The following CHST10 variants were observed in gnomAD, a reference collection of about 807,000 sequenced individuals.
CHST10 encodes the protein carbohydrate sulfotransferase 10, also known as HNK-1 sulfotransferase.
A neutral mutation model predicts 34.7 loss-of-function variants in CHST10; 24 were observed. The observed-to-expected ratio is 0.69, with a 90% CI of 0.50 to 0.97. CHST10 has a LOEUF of 0.97. CHST10 is among the 50% of genes least tolerant of loss of function. CHST10 has a pLI of 0.00. For synonymous variants in CHST10, 161 were observed against 169.3 expected (o/e 0.95, Z 0.38); for missense variants, 402 against 452.1 (o/e 0.89, Z 1.00).
chr2:100,399,141 T>C (rs1675217128), intron 4 of CHST10, among the ~76,000 whole-genome samples: 1 of 150,936 alleles, frequency 6.6e-6, no homozygotes, highest in Admixed American at 6.6e-5. Flanking sequence ...TCTCGTTCTG[T>C]GGCCCAGGCT....
chr2:100,414,641 T>C (rs1463327153), intron 2 of CHST10, among the ~76,000 whole-genome samples: 1 of 152,222 alleles, frequency 6.6e-6, no homozygotes, highest in Non-Finnish European at 1.5e-5. Flanking sequence ...TCTCTCAATC[T>C]GCGTACAGAA....
chr2:100,394,492 A>G (rs1352669705), intron 6 of CHST10, among the ~76,000 whole-genome samples: 1 of 152,236 alleles, frequency 6.6e-6, no homozygotes, highest in African/African-American at 2.4e-5. Flanking sequence ...GGGCAACAGC[A>G]GGACACTCCT....
At chr2:100,412,474 G>A (rs1381204573) in intron 2 of CHST10, among the ~76,000 whole-genome samples, 1 of 152,094 alleles carries the variant, frequency 6.6e-6, no homozygotes, top group Middle Eastern at 3.2e-3. Flanking sequence ...GTGATACCCC[G>A]GGCCCCAAGA....
At chr2:100,414,381 C>CACAA (rs1553404122) in intron 2 of CHST10, among the ~76,000 whole-genome samples, 154 of 152,040 alleles carry the variant, frequency 1.0e-3, no homozygotes, top group African/African-American at 3.5e-3. Flanking sequence ...CACACACACA[C>CACAA]AAAAACCTGG....
chr2:100,417,523 G>C lies in CHST10; in HGVS notation c.-253C>G, dbSNP rs1676120138. 1 of 151,916 alleles carries C rather than the reference G, an allele frequency of 6.6e-6. No individual in the cohort carries two copies. Among genetic ancestry groups the C allele is most frequent in the African/African-American group, 2.4e-5 (1 of 41,390 alleles). The allele number at this position is 151,916 out of a possible 1,614,324, so 9.4% of individuals were successfully genotyped here. ...CCCCACCTTGCCCCGAGGCCTCCGC[G>C]CCGCGGCCCGTCGGGTCCCGGGATG... is the stretch of plus-strand genomic sequence containing the variant. On this transcript the variant is annotated 5_prime_UTR_variant, in exon 1 of 7. Coordinates refer to ENST00000264249, the MANE Select transcript of CHST10 (RefSeq NM_004854.5).
intron 3 of CHST10, 146 bp downstream of exon 3, chr2:100,406,430 G>T: frequency 4.5e-6 from 4 of 891,372 alleles, no homozygotes; most frequent in Non-Finnish European, 5.1e-6. Flanking sequence ...GTAACATGAA[G>T]GAACGGAGGC....
At chr2:100,398,562 G>C (rs767101889) in intron 4 of CHST10, among the ~76,000 whole-genome samples, 1 of 152,034 alleles carries the variant, frequency 6.6e-6, no homozygotes, top group African/African-American at 2.4e-5. Context: ...AAATTAGCTG[G>C]GTGTGGTGGT....
chr2:100,412,968 A>C (rs1355467843), intron 2 of CHST10, among the ~76,000 whole-genome samples: 1 of 152,036 alleles, frequency 6.6e-6, no homozygotes, highest in Non-Finnish European at 1.5e-5. Context: ...TTCCAAATTC[A>C]CTTCACCCCA....
intron 3 of CHST10, among the ~76,000 whole-genome samples, chr2:100,406,176 C>T (rs1190782953): frequency 1.3e-5 from 2 of 152,140 alleles, no homozygotes; most frequent in Admixed American, 6.5e-5. Flanking sequence ...GGCCACCACA[C>T]GGGCATGCCA....
chr2:100,411,116 CTTT>C (rs66495740), intron 2 of CHST10, among the ~76,000 whole-genome samples: 3 of 129,080 alleles, frequency 2.3e-5, no homozygotes, highest in African/African-American at 6.1e-5. Context: ...AGCATTTTTT[CTTT>C]TTTTTTTTTT....
rs749002484 is a variant in CHST10 at position 100,393,354 on chromosome 2, T to C, written c.962A>G (p.Glu321Gly). Reference protein sequence around the residue: ...GITVYNRTKVEHYFLGISKRD... With the variant: ...GITVYNRTKVGHYFLGISKRD... ...TTTGCTGATGCCCAGGAAATAGTGCTCCACCTTGGTTCTGTTATACACGGT... is the reference window on the plus strand; with the variant it reads ...TTTGCTGATGCCCAGGAAATAGTGCCCCACCTTGGTTCTGTTATACACGGT... The change falls in exon 7 of 7, where the codon GAG becomes GGG. Residue 321 changes from glutamate to glycine, a missense_variant. Glu to Gly is a moderately conservative substitution (Grantham distance 98). Coordinates refer to ENST00000264249, the MANE Select transcript of CHST10 (RefSeq NM_004854.5). 6.2e-7 allele frequency: 1 copy of C among 1,614,204 alleles called. No individual in the cohort carries two copies. The highest frequency in any genetic ancestry group is 8.5e-7 in the Non-Finnish European group (1 of 1,180,040).
Position 100,417,583 on chromosome 2 carries a change from C to T in CHST10, c.-313G>A, listed in dbSNP as rs1217097601. The T allele has an allele frequency of 6.6e-6, 1 of 151,598 alleles. No individual in the cohort carries two copies. Among genetic ancestry groups the T allele is most frequent in the African/African-American group, 2.4e-5 (1 of 41,378 alleles). The allele number at this position is 151,598 out of a possible 1,614,324, so 9.4% of individuals were successfully genotyped here. On this transcript the variant is annotated 5_prime_UTR_variant, in exon 1 of 7. Transcript: ENST00000264249. Reference sequence around the variant, plus strand: ...CGGCAGCGGAAGTAAGGAAGACGCCCGGCGCGCTAGACCGGCTTTGGGGGC... The same window carrying T: ...CGGCAGCGGAAGTAAGGAAGACGCCTGGCGCGCTAGACCGGCTTTGGGGGC...
Position 100,393,173 on chromosome 2 carries a change from T to G in CHST10, c.*72A>C. ...GAGGGGTGTGGTGGAGGAAGGGTCA[T>G]TTCTGGGCTCAGATCTTCACCTGGT... On this transcript the variant is annotated 3_prime_UTR_variant, in exon 7 of 7. Coordinates refer to ENST00000264249, the MANE Select transcript of CHST10 (RefSeq NM_004854.5). The G allele has an allele frequency of 6.5e-7, 1 of 1,530,728 alleles. No homozygotes were observed. Among genetic ancestry groups the G allele is most frequent in the Admixed American group, 1.8e-5 (1 of 55,552 alleles). 94.8% of individuals were successfully genotyped at this position (1,530,728 alleles called of 1,614,324 possible).
In CHST10 at chr2:100,399,742, G is replaced by A. The variant is rs142869911; in HGVS notation, c.193-1600C>T. Among the ~76,000 whole-genome samples, 3 of 152,244 alleles carry A rather than the reference G, an allele frequency of 2.0e-5. No individual in the cohort carries two copies. In the East Asian group the frequency reaches 5.8e-4, roughly 29 times the overall value. On this transcript the variant is annotated intron_variant, in intron 4 of 6. Transcript: ENST00000264249. Reference sequence around the variant, plus strand: ...CTCTTACACTCATGACCTCTGGCCAGGATGCTTTCTCCCTTGTGTGTTTAA... The same window carrying A: ...CTCTTACACTCATGACCTCTGGCCAAGATGCTTTCTCCCTTGTGTGTTTAA...
intron 2 of CHST10, 22 bp from the exon 3 acceptor site, chr2:100,406,729 C>A (rs1240081051): frequency 6.2e-7 from 1 of 1,609,418 alleles, no homozygotes; most frequent in Non-Finnish European, 8.5e-7. Flanking sequence ...AAGCGAGATG[C>A]CCCTGCTGCT....
In CHST10 at chr2:100,406,498, T is replaced by C. The variant is rs1675582356; in HGVS notation, c.100+78A>G. The C allele has an allele frequency of 5.8e-6, 9 of 1,544,302 alleles. No individual in the cohort carries two copies. In the Middle Eastern group the frequency reaches 5.2e-4, roughly 90 times the overall value. ...TCCTTTGACTCTGTGACAGAAGTCATCTATGCATGTACCTAGGAACAGTGT... is the reference window on the plus strand; with the variant it reads ...TCCTTTGACTCTGTGACAGAAGTCACCTATGCATGTACCTAGGAACAGTGT... On this transcript the variant is annotated intron_variant, in intron 3 of 6. Coordinates refer to ENST00000264249, the MANE Select transcript of CHST10 (RefSeq NM_004854.5).
intron 4 of CHST10, among the ~76,000 whole-genome samples, chr2:100,400,369 A>T (rs1675284005): frequency 6.6e-6 from 1 of 152,106 alleles, no homozygotes; most frequent in Non-Finnish European, 1.5e-5. Context: ...CCTCCCAAGT[A>T]GCTGGGGTTA....
At chr2:100,394,726 C>CT (rs11345127) in intron 6 of CHST10, among the ~76,000 whole-genome samples, 17,003 of 140,442 alleles carry the variant, frequency 0.12, 2,892 homozygotes, top group African/African-American at 0.37. Context: ...ACTCCATCTT[C>CT]TTTTTTTTTT....
At chr2:100,404,147 G>A (rs544768829) in intron 3 of CHST10, among the ~76,000 whole-genome samples, 1 of 152,238 alleles carries the variant, frequency 6.6e-6, no homozygotes, top group Non-Finnish European at 1.5e-5. Flanking sequence ...GGGACAATTA[G>A]GTAACATCTC....
Sources: gnomAD v4.1 joint callset for allele counts (sites outside exome capture counted in the v4.1 genomes callset) on GRCh38, gnomAD v4.1.1 for gene constraint, MANE v1.5 for transcripts, NCBI Gene and HGNC (gene_info 2026-07-23, HGNC 2026-07-21) for gene names.